The following DLG2 variants were observed in gnomAD, a reference collection of about 807,000 sequenced individuals.
DLG2 encodes the protein disks large homolog 2.
A neutral mutation model predicts 132.5 loss-of-function variants in DLG2; 45 were observed. That is an observed-to-expected ratio of 0.34 (90% CI 0.27 to 0.44). DLG2 has a LOEUF of 0.44. DLG2 is among the 20% of genes least tolerant of loss of function. DLG2 has a pLI of 1.00. For missense variants in DLG2, 1,045 were observed against 1,196.9 expected (o/e 0.87, Z 1.87); for synonymous variants, 424 against 419.6 (o/e 1.01, Z -0.13).
chr11:84,063,441 T>A (rs1426107495), intron 10 of DLG2, among the ~76,000 whole-genome samples: 2 of 152,212 alleles, frequency 1.3e-5, no homozygotes, highest in Non-Finnish European at 2.9e-5. Flanking sequence ...TGGTATAGCA[T>A]CACTGAAAAG....
At chr11:83,874,530 T>A (rs1190057380) in intron 15 of DLG2, 42 bp from the exon 16 acceptor site, 8 of 1,357,940 alleles carry the variant, frequency 5.9e-6, no homozygotes, top group Non-Finnish European at 7.9e-6. Context: ...TTTATTTATT[T>A]TTTATTTTTT....
chr11:83,904,814 C>A (rs1177713855), intron 15 of DLG2, among the ~76,000 whole-genome samples: 1 of 152,100 alleles, frequency 6.6e-6, no homozygotes, highest in East Asian at 1.9e-4. Flanking sequence ...CATCACCTGG[C>A]CTTCTTTGTG....
chr11:84,030,756 CAGAA>C (rs991071769), intron 11 of DLG2, among the ~76,000 whole-genome samples: 1 of 152,058 alleles, frequency 6.6e-6, no homozygotes, highest in Non-Finnish European at 1.5e-5. Context: ...TACCTGAAAA[CAGAA>C]GGAAGATTGG....
rs529993332 is a variant in DLG2, at chr11:85,204,576, T to A, written c.187-49925A>T. On this transcript the variant is annotated intron_variant, in intron 4 of 27. Coordinates refer to ENST00000376104, the MANE Select transcript of DLG2 (RefSeq NM_001142699.3). The stretch of plus-strand genomic sequence containing the variant: ...TAGAAAGATATCCCATGCTAATGAA[T>A]TGGAAGAATTACTATTAAAATATCC... Among the ~76,000 whole-genome samples, 4 of 152,258 alleles carry A rather than the reference T, an allele frequency of 2.6e-5. No individual in the cohort carries two copies. The South Asian group carries it at 8.3e-4, about 32-fold the overall frequency.
intron 6 of DLG2, among the ~76,000 whole-genome samples, chr11:84,846,543 T>A (rs749490074): frequency 2.0e-5 from 3 of 152,150 alleles, no homozygotes; most frequent in African/African-American, 4.8e-5. Context: ...CTGTGATACA[T>A]CAAAAATGTC....
intron 6 of DLG2, among the ~76,000 whole-genome samples, chr11:85,036,823 G>A (rs938269006): frequency 1.3e-5 from 2 of 152,154 alleles, no homozygotes. Context: ...ACAGGGATCA[G>A]CAATCTATTA....
chr11:85,347,780 G>A (rs2152872225), intron 3 of DLG2, among the ~76,000 whole-genome samples: 1 of 148,580 alleles, frequency 6.7e-6, no homozygotes, highest in African/African-American at 2.5e-5. Context: ...CAAGGGCATG[G>A]TACACTAAGA....
At position 83,930,384 on chromosome 11, in the gene DLG2, G is replaced by A; in HGVS notation, c.1440C>T (p.Leu480=). ...GGTGGTAGTGGGAATAGGGAGCTGA[G>A]AGGAGGAAGCTTTTGTCACACTCAA... ...SPVECDKSFL[L]SAPYSHYHLG... is the part of the protein sequence containing the mutation. The change falls in exon 15 of 28, where the codon CTC becomes CTT. Residue 480 remains leucine (L), a synonymous_variant. Coordinates refer to ENST00000376104, the MANE Select transcript of DLG2 (RefSeq NM_001142699.3). 6.2e-7 allele frequency: 1 copy of A among 1,614,136 alleles called. No homozygotes were observed. The highest frequency in any genetic ancestry group is 8.5e-7 in the Non-Finnish European group (1 of 1,179,976).
chr11:85,264,247 C>T (rs552422964), intron 4 of DLG2, among the ~76,000 whole-genome samples: 1 of 152,304 alleles, frequency 6.6e-6, no homozygotes, highest in Admixed American at 6.5e-5. Flanking sequence ...ATATCCTCCA[C>T]CTTTCTGAGA....
chr11:84,952,812 C>T (rs1203509909), intron 6 of DLG2, among the ~76,000 whole-genome samples: 1 of 152,172 alleles, frequency 6.6e-6, no homozygotes, highest in African/African-American at 2.4e-5. Flanking sequence ...AAATCTGTTC[C>T]TACAACCCAA....
intron 6 of DLG2, among the ~76,000 whole-genome samples, chr11:84,839,310 A>G (rs1235078278): frequency 6.6e-6 from 1 of 152,168 alleles, no homozygotes; most frequent in Admixed American, 6.5e-5. Context: ...CTCTTCAAGG[A>G]GAACTACAAA....
chr11:85,321,305 G>T (rs963568695), intron 3 of DLG2, among the ~76,000 whole-genome samples: 2 of 151,988 alleles, frequency 1.3e-5, no homozygotes, highest in African/African-American at 4.8e-5. Context: ...CAAGGGCTTA[G>T]TATTGGCTAT....
intron 6 of DLG2, among the ~76,000 whole-genome samples, chr11:85,062,520 T>C (rs900808498): frequency 1.3e-4 from 19 of 151,042 alleles, no homozygotes; most frequent in East Asian, 7.8e-4. Context: ...CTTTATAAGA[T>C]AGGTAGTATC....
chr11:84,678,357 T>C (rs1426158817), intron 6 of DLG2, among the ~76,000 whole-genome samples: 1 of 152,096 alleles, frequency 6.6e-6, no homozygotes, highest in Non-Finnish European at 1.5e-5. Flanking sequence ...TAATACACCC[T>C]TGAGTTAACA....
chr11:85,607,244 GCTCT>G (rs1339035068), intron 2 of DLG2, among the ~76,000 whole-genome samples: 7 of 152,170 alleles, frequency 4.6e-5, no homozygotes, highest in African/African-American at 7.2e-5. Flanking sequence ...CTGGGAAAGG[GCTCT>G]CTAACAAACC....
At chr11:84,402,936 T>A (rs1601516232) in intron 7 of DLG2, among the ~76,000 whole-genome samples, 1 of 150,654 alleles carries the variant, frequency 6.6e-6, no homozygotes, top group East Asian at 1.9e-4. Flanking sequence ...TTACATGTTG[T>A]ATTAATAGCA....
chr11:83,779,374 G>T (rs1263779307), intron 18 of DLG2, among the ~76,000 whole-genome samples: 2 of 152,152 alleles, frequency 1.3e-5, no homozygotes, highest in Non-Finnish European at 2.9e-5. Context: ...CAATAATGCT[G>T]TCATGTATAC....
chr11:83,640,160 T>C (rs1591493309), intron 18 of DLG2, among the ~76,000 whole-genome samples: 1 of 152,186 alleles, frequency 6.6e-6, no homozygotes, highest in East Asian at 1.9e-4. Context: ...CAACAGAGAC[T>C]GCTTTCCTGC....
intron 7 of DLG2, among the ~76,000 whole-genome samples, chr11:84,432,594 C>T (rs921623063): frequency 3.3e-5 from 5 of 152,158 alleles, no homozygotes; most frequent in Non-Finnish European, 7.3e-5. Context: ...ACTAAGATCA[C>T]CAGGACATAA....
Sources: allele counts gnomAD v4.1 joint callset (sites outside exome capture counted in the v4.1 genomes callset), GRCh38; gene constraint gnomAD v4.1.1; transcripts MANE v1.5; gene names NCBI Gene and HGNC (gene_info 2026-07-23, HGNC 2026-07-21).